SHISAL1: variants seen among roughly 807,000 people sequenced by gnomAD.
SHISAL1 encodes the protein shisa like 1.
SHISAL1 carries 9 observed loss-of-function variants against 22.6 expected under a neutral mutation model. The ratio of observed to expected loss-of-function variants is 0.40; its 90% CI spans 0.24 to 0.70. The LOEUF (loss-of-function observed/expected upper bound fraction) is 0.70. Ranked by LOEUF, SHISAL1 falls within the 30% of genes least tolerant of loss-of-function variation. SHISAL1 has a pLI of 0.39. For synonymous variants in SHISAL1, 119 were observed against 115.4 expected, an observed-to-expected ratio of 1.03 and a Z score of -0.20; for missense variants, 246 against 270.6, an observed-to-expected ratio of 0.91 and a Z score of 0.64.
chr22:44,302,522 C>T (rs149639395), intron 1 of SHISAL1, among the ~76,000 whole-genome samples: 1 of 152,328 alleles, frequency 6.6e-6, no homozygotes, highest in Non-Finnish European at 1.5e-5. Flanking sequence ...TAAGGAGGGC[C>T]TCTCTGAGAA....
At chr22:44,258,914 G>C (rs768082935) in intron 4 of SHISAL1, among the ~76,000 whole-genome samples, 1 of 152,156 alleles carries the variant, frequency 6.6e-6, no homozygotes, top group Non-Finnish European at 1.5e-5. Flanking sequence ...TCAGGGGGCA[G>C]GTACAGTAAG....
At chr22:44,301,865 A>G (rs2055432004) in intron 1 of SHISAL1, among the ~76,000 whole-genome samples, 1 of 151,976 alleles carries the variant, frequency 6.6e-6, no homozygotes, top group Admixed American at 6.5e-5. Flanking sequence ...TTCACAGAAG[A>G]TTTGTCATCG....
chr22:44,331,663 T>C, the SHISAL1 span, among the ~76,000 whole-genome samples: 3 of 148,116 alleles, frequency 2.0e-5, no homozygotes, highest in Admixed American at 6.7e-5. This position sits in a 1 kb window ranked among gnomAD's most constrained non-coding sequence, Gnocchi z 5.2. Flanking sequence ...CCGGGCTCCC[T>C]GATCGGCGCT....
upstream of SHISAL1, among the ~76,000 whole-genome samples, chr22:44,316,886 T>G (rs921188310): frequency 6.6e-6 from 1 of 152,212 alleles, no homozygotes; most frequent in Non-Finnish European, 1.5e-5. Flanking sequence ...AGCTGGGGGT[T>G]GCTGCCTAGA....
intron 1 of SHISAL1, among the ~76,000 whole-genome samples, chr22:44,311,136 C>T (rs1302132019): frequency 6.6e-6 from 1 of 152,038 alleles, no homozygotes; most frequent in African/African-American, 2.4e-5. Flanking sequence ...AAACCCAACT[C>T]CAGGGCTCCA....
Position 44,310,047 on chromosome 22 carries a change from G to A in SHISAL1, c.-33+2704C>T, listed in dbSNP as rs907046569. 7.2e-5 allele frequency among the ~76,000 whole-genome samples: 11 copies of A among 152,176 alleles called. No homozygotes were observed. Among genetic ancestry groups the A allele is most frequent in the African/African-American group, 1.7e-4 (7 of 41,442 alleles). ...AGAAGGACAGAGAAGCAGCCCGTTC[G>A]CCTGCAGCTGGGGTGCCGGGCTCCA... On this transcript the variant is annotated intron_variant, in intron 1 of 4. Transcript: ENST00000381176. The surrounding 1 kb of genome is among the most constrained non-coding windows in gnomAD (Gnocchi z 4.0).
rs2055001046 is a variant in SHISAL1, at chr22:44,246,355, TCTC to T, written c.*3327_*3329del. The T allele has an allele frequency of 6.6e-6, 1 of 151,684 alleles. No individual in the cohort carries two copies. Among genetic ancestry groups the T allele is most frequent in the Admixed American group, 6.5e-5 (1 of 15,274 alleles). 9.4% of individuals were successfully genotyped at this position (151,684 alleles called of 1,614,324 possible). The stretch of plus-strand genomic sequence containing the variant: ...TTCCTCTGTGGACATCTTGTCCTCT[TCTC>T]TCTCTCGTTTTTCTTTTTGTATTAT... On this transcript the variant is annotated 3_prime_UTR_variant, in exon 5 of 5. Transcript: ENST00000381176.
rs184522819 is a variant in SHISAL1, at chr22:44,296,513, G to A, written c.281+159C>T. Reference sequence around the variant, plus strand: ...TGAAACTTAGAAGGCACAATGGGCCGAAAACCCTGGTCATCCAAAGACTCT... The same window carrying A: ...TGAAACTTAGAAGGCACAATGGGCCAAAAACCCTGGTCATCCAAAGACTCT... On this transcript the variant is annotated intron_variant, in intron 3 of 4. Transcript: ENST00000381176. Among the ~76,000 whole-genome samples, 234 of 152,268 alleles carry A rather than the reference G, an allele frequency of 1.5e-3. 3 individuals are homozygous for A. In the East Asian group the frequency reaches 0.019, roughly 12 times the overall value.
chr22:44,282,911 G>C (rs1232841709), intron 4 of SHISAL1, among the ~76,000 whole-genome samples: 2 of 152,190 alleles, frequency 1.3e-5, no homozygotes. Context: ...ATGGAGGCTG[G>C]GCCACCCGGG....
chr22:44,317,639 G>A (rs190822750), upstream of SHISAL1, among the ~76,000 whole-genome samples: 535 of 152,320 alleles, frequency 3.5e-3, 4 homozygotes, highest in Middle Eastern at 0.017. Flanking sequence ...TCTGTGGGCT[G>A]TTCCCATGGG....
At chr22:44,279,363 G>C (rs1165028873) in intron 4 of SHISAL1, among the ~76,000 whole-genome samples, 2 of 152,192 alleles carry the variant, frequency 1.3e-5, no homozygotes, top group Admixed American at 6.5e-5. Flanking sequence ...AGCCTCCTTG[G>C]TATTTGATGT....
At chr22:44,261,996 G>GCTGGGTGCTCGGT (rs59779674) in intron 4 of SHISAL1, among the ~76,000 whole-genome samples, 1 of 151,670 alleles carries the variant, frequency 6.6e-6, no homozygotes, top group African/African-American at 2.4e-5. Context: ...CTGGGCTGGG[G>GCTGGGTGCTCGGT]GCTCAGAACT....
rs2055424576 is a variant in SHISAL1, at chr22:44,300,967, T to C, written c.-22A>G. The C allele has an allele frequency of 6.2e-7, 1 of 1,611,930 alleles. No individual in the cohort carries two copies. Reference sequence around the variant, plus strand: ...TCATCGTCTGGCTTGCATTGATCCGTCCAGAGCTGCCTGTTCAATGAGAGC... The same window carrying C: ...TCATCGTCTGGCTTGCATTGATCCGCCCAGAGCTGCCTGTTCAATGAGAGC... On this transcript the variant is annotated 5_prime_UTR_variant, in exon 2 of 5. Transcript: ENST00000381176.
intron 1 of SHISAL1, among the ~76,000 whole-genome samples, chr22:44,307,052 T>C (rs546883002): frequency 6.6e-6 from 1 of 152,306 alleles, no homozygotes; most frequent in South Asian, 2.1e-4. Context: ...GTTACACCAC[T>C]GGACAACATC....
At chr22:44,282,240 G>A (rs995655573) in intron 4 of SHISAL1, among the ~76,000 whole-genome samples, 1 of 152,200 alleles carries the variant, frequency 6.6e-6, no homozygotes, top group Non-Finnish European at 1.5e-5. Flanking sequence ...CCAGCTCTGG[G>A]ATCTGCTCCC....
chr22:44,281,708 G>C (rs1044251297), intron 4 of SHISAL1, among the ~76,000 whole-genome samples: 24 of 152,182 alleles, frequency 1.6e-4, no homozygotes, highest in African/African-American at 5.6e-4. Flanking sequence ...GGAAATGACG[G>C]GTGGAGTCTT....
intron 1 of SHISAL1, among the ~76,000 whole-genome samples, chr22:44,309,852 G>A (rs1335976725): frequency 2.0e-5 from 3 of 152,198 alleles, no homozygotes; most frequent in South Asian, 2.1e-4. Flanking sequence ...ACTCTGAAAC[G>A]TGAAGTCCAG....
chr22:44,330,741 A>T, the SHISAL1 span, among the ~76,000 whole-genome samples: 1 of 151,908 alleles, frequency 6.6e-6, no homozygotes, highest in Non-Finnish European at 1.5e-5. Context: ...TAACCTCGAG[A>T]CGCTTGGGGT....
intron 2 of SHISAL1, among the ~76,000 whole-genome samples, chr22:44,297,261 G>A (rs2147299480): frequency 6.6e-6 from 1 of 152,328 alleles, no homozygotes; most frequent in African/African-American, 2.4e-5. Context: ...TTTACAGATG[G>A]AGAAACTGAG....
Sources: gnomAD v4.1 joint callset for allele counts (sites outside exome capture counted in the v4.1 genomes callset) on GRCh38, gnomAD v4.1.1 for gene constraint, Gnocchi (gnomAD v3.1) non-coding constraint, MANE v1.5 for transcripts, NCBI Gene and HGNC (gene_info 2026-07-23, HGNC 2026-07-21) for gene names.